The following MECOM variants were observed in gnomAD, a reference collection of about 807,000 sequenced individuals.
MECOM encodes the protein histone-lysine N-methyltransferase MECOM.
A neutral mutation model predicts 116.3 loss-of-function variants in MECOM; 13 were observed. The observed-to-expected ratio is 0.11, with a 90% CI of 0.07 to 0.18. The LOEUF (loss-of-function observed/expected upper bound fraction) is 0.18, where lower values mean the gene tolerates loss of function less well. MECOM is among the 10% of genes least tolerant of loss of function. MECOM has a pLI of 1.00. For synonymous variants in MECOM, 528 were observed against 535.2 expected (o/e 0.99, Z 0.19); for missense variants, 1,299 against 1,509.0 (o/e 0.86, Z 2.31).
intron 2 of MECOM, among the ~76,000 whole-genome samples, chr3:169,163,784 T>G (rs968570378): frequency 6.6e-6 from 1 of 152,032 alleles, no homozygotes; most frequent in Non-Finnish European, 1.5e-5. Flanking sequence ...TAATTGGGAG[T>G]TGGCATTTAA....
intron 1 of MECOM, among the ~76,000 whole-genome samples, chr3:169,597,279 C>T (rs1000123269): frequency 1.3e-5 from 2 of 152,078 alleles, no homozygotes; most frequent in African/African-American, 4.8e-5. Flanking sequence ...GCTCAGAGGG[C>T]GAAGAGGTGT....
At chr3:169,526,044 A>AT (rs397792077) in intron 1 of MECOM, among the ~76,000 whole-genome samples, 4,066 of 151,504 alleles carry the variant, frequency 0.027, 175 homozygotes, top group African/African-American at 0.094. Context: ...AAAAAAAAAA[A>AT]GTAGCTGGAT....
At chr3:169,380,967 C>G (rs1415024609) in intron 2 of MECOM, among the ~76,000 whole-genome samples, 1 of 152,144 alleles carries the variant, frequency 6.6e-6, no homozygotes, top group African/African-American at 2.4e-5. Flanking sequence ...CAGTACAATT[C>G]TTTAACCATA....
intron 1 of MECOM, chr3:169,389,607 A>AT: frequency 1.0e-6 from 1 of 985,206 alleles, no homozygotes; most frequent in Non-Finnish European, 1.2e-6. Flanking sequence ...CCCCAAAGTG[A>AT]TTTTCCTTCA....
chr3:169,359,232 G>T (rs190871339), intron 2 of MECOM, among the ~76,000 whole-genome samples: 3 of 151,742 alleles, frequency 2.0e-5, no homozygotes, highest in Non-Finnish European at 4.4e-5. Flanking sequence ...GATTGCAATT[G>T]GCAATCAGTG....
intron 1 of MECOM, among the ~76,000 whole-genome samples, chr3:169,566,755 A>C (rs1029136708): frequency 6.6e-6 from 1 of 152,194 alleles, no homozygotes; most frequent in Non-Finnish European, 1.5e-5. Flanking sequence ...ATAGAAAGTT[A>C]CTTGAACTTC....
At chr3:169,132,018 A>C in intron 3 of MECOM, 3 of 967,726 alleles carry the variant, frequency 3.1e-6, no homozygotes, top group Non-Finnish European at 3.7e-6. Flanking sequence ...TTGAAAGGAC[A>C]TGACATAAAG....
intron 12 of MECOM, among the ~76,000 whole-genome samples, chr3:169,097,381 A>G (rs1249703201): frequency 6.6e-6 from 1 of 152,148 alleles, no homozygotes; most frequent in Non-Finnish European, 1.5e-5. Flanking sequence ...TTCCTTCTAC[A>G]CAATTCCAAT....
intron 2 of MECOM, among the ~76,000 whole-genome samples, chr3:169,285,428 AAAC>A (rs1443755166): frequency 6.6e-6 from 1 of 152,208 alleles, no homozygotes; most frequent in Non-Finnish European, 1.5e-5. Flanking sequence ...CTCCCAGGAT[AAAC>A]AACATTTGAT....
At chr3:169,383,106 T>C (rs1334707009) in intron 1 of MECOM, among the ~76,000 whole-genome samples, 2 of 152,078 alleles carry the variant, frequency 1.3e-5, no homozygotes, top group Admixed American at 6.5e-5. Context: ...TTTATTATTG[T>C]AACAGACTAT....
At chr3:169,178,946 AGTTT>A (rs764435826) in intron 2 of MECOM, among the ~76,000 whole-genome samples, 22 of 152,192 alleles carry the variant, frequency 1.4e-4, no homozygotes, top group Non-Finnish European at 2.8e-4. Flanking sequence ...ATGAAATTAC[AGTTT>A]GTTAAGTAAA....
intron 2 of MECOM, among the ~76,000 whole-genome samples, chr3:169,282,375 T>C (rs975883909): frequency 1.3e-4 from 20 of 152,226 alleles, no homozygotes; most frequent in African/African-American, 4.6e-4. Flanking sequence ...CTGAAGAAGG[T>C]ATCCCCCCAG....
chr3:169,202,109 T>C (rs1269560238), intron 2 of MECOM, among the ~76,000 whole-genome samples: 2 of 152,112 alleles, frequency 1.3e-5, no homozygotes, highest in African/African-American at 2.4e-5. Flanking sequence ...ACCTGTTAAT[T>C]ACCCTGCTGC....
Position 169,638,500 on chromosome 3 carries a change from C to T in MECOM, c.37+24836G>A, listed in dbSNP as rs142543939. Among the ~76,000 whole-genome samples the T allele has an allele frequency of 3.7e-4, 56 of 152,288 alleles. No individual in the cohort carries two copies. In the Middle Eastern group the frequency reaches 0.014, roughly 37 times the overall value. On this transcript the variant is annotated intron_variant, in intron 1 of 16. Coordinates refer to ENST00000651503, the MANE Select transcript of MECOM (RefSeq NM_004991.4). ...TGACCCTTAGCCCTCACCTGCTTTTCCAGAGAGAGGAACTTGACGTCTTAC... is the reference window on the plus strand; with the variant it reads ...TGACCCTTAGCCCTCACCTGCTTTTTCAGAGAGAGGAACTTGACGTCTTAC...
chr3:169,377,362 A>C (rs1731218101), intron 2 of MECOM, among the ~76,000 whole-genome samples: 1 of 152,248 alleles, frequency 6.6e-6, no homozygotes, highest in South Asian at 2.1e-4. Flanking sequence ...CAGCAAAAGA[A>C]ACTATCATTA....
chr3:169,225,245 T>C (rs531613289), intron 2 of MECOM, among the ~76,000 whole-genome samples: 1 of 152,158 alleles, frequency 6.6e-6, no homozygotes, highest in Non-Finnish European at 1.5e-5. Context: ...TAAATACAAG[T>C]GGAGAGCTAT....
intron 2 of MECOM, among the ~76,000 whole-genome samples, chr3:169,188,617 A>G (rs1747084017): frequency 1.3e-5 from 2 of 151,990 alleles, no homozygotes; most frequent in African/African-American, 2.4e-5. Flanking sequence ...CTTTATGGAC[A>G]TCGGGTTGTG....
intron 1 of MECOM, among the ~76,000 whole-genome samples, chr3:169,544,572 C>T (rs1226121952): frequency 6.6e-6 from 1 of 152,170 alleles, no homozygotes; most frequent in Non-Finnish European, 1.5e-5. Flanking sequence ...CATGAACACA[C>T]ATGTTTATTG....
chr3:169,566,545 A>G (rs1439299602), intron 1 of MECOM, among the ~76,000 whole-genome samples: 1 of 152,180 alleles, frequency 6.6e-6, no homozygotes, highest in Non-Finnish European at 1.5e-5. Flanking sequence ...TCTAAGCCCC[A>G]TTGATGGGGG....
Sources: allele counts gnomAD v4.1 joint callset (sites outside exome capture counted in the v4.1 genomes callset), GRCh38; gene constraint gnomAD v4.1.1; transcripts MANE v1.5; gene names NCBI Gene and HGNC (gene_info 2026-07-23, HGNC 2026-07-21).